The following DOP1B variants were observed in gnomAD, a reference collection of about 807,000 sequenced individuals.
DOP1B encodes protein DOP1B.
In DOP1B, 174 loss-of-function variants were observed where a neutral mutation model predicts 233.5. The observed-to-expected ratio is 0.75, with a 90% CI of 0.66 to 0.85. The LOEUF (loss-of-function observed/expected upper bound fraction) is 0.85. DOP1B is among the 40% of genes least tolerant of loss of function. The pLI, the probability that DOP1B is intolerant of heterozygous loss-of-function variation, is 0.00. For missense variants in DOP1B, 2,652 were observed against 2,846.6 expected, an observed-to-expected ratio of 0.93 and a Z score of 1.56; for synonymous variants, 1,190 against 1,185.6, an observed-to-expected ratio of 1.00 and a Z score of -0.08.
chr21:36,174,462 C>T (rs2066002999), intron 2 of DOP1B, among the ~76,000 whole-genome samples: 2 of 152,156 alleles, frequency 1.3e-5, no homozygotes, highest in South Asian at 2.1e-4. Flanking sequence ...CACTCCAGCA[C>T]TCCAGCCTGG....
chr21:36,177,001 T>C (rs2066039677), intron 2 of DOP1B, among the ~76,000 whole-genome samples: 1 of 152,136 alleles, frequency 6.6e-6, no homozygotes, highest in Admixed American at 6.6e-5. Context: ...TTTGTATTTT[T>C]TGTAGAGACA....
Position 36,270,089 on chromosome 21 carries a change from G to C in DOP1B, c.5564G>C (p.Arg1855Thr). Residue 1855 changes from arginine (R) to threonine (T), a missense_variant, in exon 27 of 37, where the codon AGA becomes ACA. Arg to Thr is a moderately conservative substitution (Grantham distance 71, BLOSUM62 -1). Transcript: ENST00000691173. ...SSLEQTSWLS[R>T]NLEVKAQPQA... ...TTGGAGCAAACCAGCTGGCTAAGCA[G>C]AAACCTGGAAGTGAAGGCCCAACCT... 1 of 1,614,176 alleles carries C rather than the reference G, an allele frequency of 6.2e-7. No individual in the cohort carries two copies.
chr21:36,164,368 T>G (rs7281446), intron 1 of DOP1B, among the ~76,000 whole-genome samples: 1 of 152,014 alleles, frequency 6.6e-6, no homozygotes, highest in African/African-American at 2.4e-5. Context: ...TGGGAGGGGC[T>G]GTGCTCATTT....
chr21:36,273,485 G>A (rs1417940016), intron 27 of DOP1B, among the ~76,000 whole-genome samples: 2 of 152,124 alleles, frequency 1.3e-5, no homozygotes, highest in East Asian at 1.9e-4. Flanking sequence ...TTAGTACTGC[G>A]AGGAAAGTAA....
At chr21:36,210,936 C>T (rs1378148766) in intron 5 of DOP1B, among the ~76,000 whole-genome samples, 1 of 152,256 alleles carries the variant, frequency 6.6e-6, no homozygotes, top group Non-Finnish European at 1.5e-5. Flanking sequence ...GCCCTGCGCT[C>T]CCACACGACT....
At chr21:36,169,943 C>T in intron 2 of DOP1B, 1 of 769,978 alleles carries the variant, frequency 1.3e-6, no homozygotes, top group Non-Finnish European at 2.4e-6. Context: ...GGTGGTGTCT[C>T]CACAGTAGTC....
At chr21:36,241,781 T>G (rs1333443182) in intron 18 of DOP1B, among the ~76,000 whole-genome samples, 1 of 149,164 alleles carries the variant, frequency 6.7e-6, no homozygotes, top group African/African-American at 2.5e-5. Flanking sequence ...CCCCAAATGA[T>G]CCTCCCGCCT....
At chr21:36,229,283 G>A (rs531220689) in intron 13 of DOP1B, among the ~76,000 whole-genome samples, 120 of 152,176 alleles carry the variant, frequency 7.9e-4, no homozygotes, top group Non-Finnish European at 1.5e-3. Flanking sequence ...TGACACGAAG[G>A]TGTCAGCAAG....
rs541326581 is a variant in DOP1B, at chr21:36,227,006, C to T, written c.1474-680C>T. 2.9e-4 allele frequency among the ~76,000 whole-genome samples: 44 copies of T among 151,454 alleles called. No homozygotes were observed. The South Asian group carries it at 8.6e-3, about 29-fold the overall frequency. ...GGATCACAAGGTCAGGAGATTGAGA[C>T]CACCCTGGCTAACACGGTGAAACCC... On this transcript the variant is annotated intron_variant, in intron 12 of 36. Transcript: ENST00000691173.
chr21:36,181,282 CTTT>C (rs746169081), intron 2 of DOP1B, among the ~76,000 whole-genome samples: 2 of 143,976 alleles, frequency 1.4e-5, no homozygotes, highest in Admixed American at 7.0e-5. Flanking sequence ...ACTCTGTCTT[CTTT>C]TTTTTTTTTT....
At position 36,261,803 on chromosome 21, in the gene DOP1B, C is replaced by G. The variant is rs946722558; in HGVS notation, c.5315+1071C>G. ...CAGCATGCCTGTAGTCCCAGCTACT[C>G]GGGAAGCTGAGGCAGGTGAATCACT... is the stretch of plus-strand genomic sequence containing the variant. On this transcript the variant is annotated intron_variant, in intron 24 of 36. Transcript: ENST00000691173. 3 of 534,074 alleles carry G rather than the reference C, an allele frequency of 5.6e-6. No individual in the cohort carries two copies. The African/African-American group carries it at 6.2e-5, about 11-fold the overall frequency. The allele number at this position is 534,074 out of a possible 1,614,324, so 33.1% of individuals were successfully genotyped here.
chr21:36,254,081 A>T (rs9984891), intron 23 of DOP1B, among the ~76,000 whole-genome samples, 172 bp downstream of exon 23: 1 of 152,014 alleles, frequency 6.6e-6, no homozygotes, highest in South Asian at 2.1e-4. Context: ...GGGGAGACCT[A>T]TGAAGATCTG....
Position 36,214,200 on chromosome 21 carries a change from C to T in DOP1B, c.1014+10C>T. On this transcript the variant is annotated intron_variant, in intron 8 of 36. Transcript: ENST00000691173. ...GGATCTTTTAGTTGAGGTAAAGGAG[C>T]ATTTCCGGAAAGTTCAGGGTATCCT... 6.3e-7 allele frequency: 1 copy of T among 1,599,572 alleles called. No homozygotes were observed. Among genetic ancestry groups the T allele is most frequent in the Non-Finnish European group, 8.6e-7 (1 of 1,168,864 alleles).
chr21:36,223,900 C>T (rs1158479041), intron 11 of DOP1B, among the ~76,000 whole-genome samples: 2 of 152,010 alleles, frequency 1.3e-5, no homozygotes, highest in East Asian at 3.9e-4. Context: ...ATTTTCTTTA[C>T]GGGAGGAATA....
intron 2 of DOP1B, among the ~76,000 whole-genome samples, chr21:36,176,341 C>T (rs973301015): frequency 1.3e-5 from 2 of 152,090 alleles, no homozygotes; most frequent in African/African-American, 2.4e-5. Flanking sequence ...CTTATCCCTG[C>T]TGGCCAGACC....
chr21:36,214,366 C>T, intron 8 of DOP1B, 76 bp from the exon 9 acceptor site: 1 of 1,450,802 alleles, frequency 6.9e-7, no homozygotes, highest in South Asian at 1.2e-5. Flanking sequence ...GAGTATTTAA[C>T]AATTAGAATA....
At chr21:36,258,610 C>G (rs888118081) in intron 23 of DOP1B, among the ~76,000 whole-genome samples, 1 of 152,166 alleles carries the variant, frequency 6.6e-6, no homozygotes, top group Non-Finnish European at 1.5e-5. Context: ...GTCCAGGCCC[C>G]GAGGGCCTGG....
At position 36,246,376 on chromosome 21, in the gene DOP1B, C is replaced by T. The variant is rs767116968; in HGVS notation, c.4396C>T (p.Pro1466Ser). The T allele has an allele frequency of 4.3e-5, 70 of 1,613,210 alleles. No homozygotes were observed. Among genetic ancestry groups the T allele is most frequent in the East Asian group, 2.9e-4 (13 of 44,864 alleles). The change falls in exon 19 of 37, where the codon CCC (proline) becomes TCC (serine). Residue 1466 changes from proline to serine, a missense_variant. Coordinates refer to ENST00000691173, the MANE Select transcript of DOP1B (RefSeq NM_001320714.2). This position sits in a 1 kb window ranked among gnomAD's most constrained non-coding sequence, Gnocchi z 5.1. ...GRAHEEAENQPDLSREWQRAL... is the reference protein window; with the variant it reads ...GRAHEEAENQSDLSREWQRAL... ...GGCCCATGAGGAGGCGGAAAACCAG[C>T]CCGACCTGTCCCGGGAGTGGCAGAG...
chr21:36,285,961 T>TCG (rs2067478587), intron 32 of DOP1B, among the ~76,000 whole-genome samples: 1 of 151,272 alleles, frequency 6.6e-6, no homozygotes, highest in Non-Finnish European at 1.5e-5. Context: ...TGAGCCGAGA[T>TCG]CGCGCCACTG....
Sources: gnomAD v4.1 joint callset for allele counts (sites outside exome capture counted in the v4.1 genomes callset) on GRCh38, gnomAD v4.1.1 for gene constraint, Gnocchi (gnomAD v3.1) non-coding constraint, MANE v1.5 for transcripts, NCBI Gene and HGNC (gene_info 2026-07-23, HGNC 2026-07-21) for gene names.